DENND3: variants seen among roughly 807,000 people sequenced by gnomAD.
DENND3 encodes the protein DENN domain-containing protein 3.
DENND3 carries 88 observed loss-of-function variants against 135.1 expected under a neutral mutation model. The observed-to-expected ratio is 0.65, with a 90% confidence interval of 0.55 to 0.78. The LOEUF (loss-of-function observed/expected upper bound fraction) is 0.78, where lower values mean the gene tolerates loss of function less well. Ranked by LOEUF, DENND3 falls within the 30% of genes least tolerant of loss-of-function variation. The pLI, the probability that DENND3 is intolerant of heterozygous loss-of-function variation, is 0.00. For missense variants in DENND3, 1,392 were observed against 1,688.4 expected, an observed-to-expected ratio of 0.82 and a Z score of 3.08; for synonymous variants, 693 against 712.3, an observed-to-expected ratio of 0.97 and a Z score of 0.43.
rs1385153157 is a variant in DENND3, at chr8:141,137,972, C to T, written c.386-50C>T. The T allele has an allele frequency of 6.5e-7, 1 of 1,548,078 alleles. No homozygotes were observed. The highest frequency in any genetic ancestry group is 8.7e-7 in the Non-Finnish European group (1 of 1,142,942). On this transcript the variant is annotated intron_variant, in intron 2 of 22. Coordinates refer to ENST00000519811, the MANE Select transcript of DENND3 (RefSeq NM_001352890.3). This position sits in a 1 kb window ranked among gnomAD's most constrained non-coding sequence, Gnocchi z 4.1. Reference sequence around the variant, plus strand: ...TGAAGAAATCAGCTCGTGGGTAACCCAGGCCACTTGGCAAGAACAGGATTC... The same window carrying T: ...TGAAGAAATCAGCTCGTGGGTAACCTAGGCCACTTGGCAAGAACAGGATTC...
intron 16 of DENND3, among the ~76,000 whole-genome samples, chr8:141,178,450 A>G (rs1822678010): frequency 6.6e-6 from 1 of 152,230 alleles, no homozygotes; most frequent in African/African-American, 2.4e-5. Context: ...TAGCATTGCA[A>G]TGTACACTGC....
At chr8:141,135,255 G>A (rs1430749646) in intron 1 of DENND3, among the ~76,000 whole-genome samples, 1 of 151,368 alleles carries the variant, frequency 6.6e-6, no homozygotes, top group Non-Finnish European at 1.5e-5. Flanking sequence ...GGGCTCAGGC[G>A]ATCTTCCTGC....
At position 141,185,166 on chromosome 8, in the gene DENND3, A is replaced by G; in HGVS notation, c.2972A>G (p.Glu991Gly). 1.2e-6 allele frequency: 2 copies of G among 1,614,084 alleles called. No homozygotes were observed. The highest frequency in any genetic ancestry group is 1.7e-6 in the Non-Finnish European group (2 of 1,179,934). ...PGHLDPAEKV[E>G]DAHPKLWCAL... ...CATCTTGACCCAGCCGAAAAAGTTG[A>G]AGATGCTCACCCCAAGTTATGGTGT... The change falls in exon 18 of 23, where the codon GAA (glutamate) becomes GGA (glycine). Residue 991 changes from glutamate (E) to glycine (G), a missense_variant. Transcript: ENST00000519811.
At chr8:141,156,429 A>G (rs368035395) in intron 8 of DENND3, among the ~76,000 whole-genome samples, 187 of 152,090 alleles carry the variant, frequency 1.2e-3, no homozygotes, top group African/African-American at 4.2e-3. Flanking sequence ...CTTTATTCCA[A>G]TCTTGTCTGA....
chr8:141,135,151 T>TCTTC (rs1331297609), intron 1 of DENND3, among the ~76,000 whole-genome samples: 1 of 146,464 alleles, frequency 6.8e-6, no homozygotes, highest in Non-Finnish European at 1.5e-5. Context: ...TTTCTTTCTT[T>TCTTC]CTTTTTTTTT....
At chr8:141,131,372 C>T (rs1452344540) in intron 1 of DENND3, among the ~76,000 whole-genome samples, 2 of 152,134 alleles carry the variant, frequency 1.3e-5, no homozygotes, top group African/African-American at 4.8e-5. Flanking sequence ...ACAGGTCACC[C>T]GCATAATTCT....
intron 8 of DENND3, chr8:141,157,792 C>G: frequency 1.0e-6 from 1 of 977,592 alleles, no homozygotes; most frequent in East Asian, 1.2e-4. Flanking sequence ...CAGGGTCTTG[C>G]TCTGTCACCC....
chr8:141,168,211 T>C lies in DENND3; in HGVS notation c.1961T>C (p.Leu654Pro). The stretch of plus-strand genomic sequence containing the variant: ...GTTTATCTGATGCAGGGACAGCTGC[T>C]GAACGCCCTCTTGGACTTCCAGAAT... ...GLVYLMQGQL[L>P]NALLDFQNLY... The change falls in exon 13 of 23, where the codon CTG (leucine) becomes CCG (proline). Residue 654 changes from leucine to proline, a missense_variant. Physicochemically the swap from Leu to Pro is moderately conservative, Grantham distance 98 (BLOSUM62 -3). Coordinates refer to ENST00000519811, the MANE Select transcript of DENND3 (RefSeq NM_001352890.3). The surrounding 1 kb of genome is among the most constrained non-coding windows in gnomAD (Gnocchi z 6.2). 1 of 1,614,212 alleles carries C rather than the reference T, an allele frequency of 6.2e-7. No homozygotes were observed. The highest frequency in any genetic ancestry group is 8.5e-7 in the Non-Finnish European group (1 of 1,180,046).
intron 8 of DENND3, chr8:141,157,700 T>A: frequency 1.0e-6 from 1 of 985,842 alleles, no homozygotes; most frequent in Non-Finnish European, 1.2e-6. Flanking sequence ...ACTCTTACCT[T>A]GGTGTGGATT....
rs146802993 is a variant in DENND3, at chr8:141,168,306, C to A, written c.2056C>A (p.Pro686Thr). The change falls in exon 13 of 23, where the codon CCT becomes ACT. Residue 686 changes from proline to threonine, a missense_variant. Transcript: ENST00000519811. This position sits in a 1 kb window ranked among gnomAD's most constrained non-coding sequence, Gnocchi z 6.2. The stretch of plus-strand genomic sequence containing the variant: ...GAGGACGGTGGAATCCATGTCTGCC[C>A]CTGAGTGGGAGGGGGCTGAGCAGGC... ...VKRTVESMSAPEWEGAEQAPE... is the reference protein window; with the variant it reads ...VKRTVESMSATEWEGAEQAPE... 2.4e-4 allele frequency: 388 copies of A among 1,614,008 alleles called. 2 individuals are homozygous for A. The African/African-American group carries it at 4.3e-3, about 18-fold the overall frequency.
At chr8:141,145,230 A>T (rs1435423515) in intron 5 of DENND3, among the ~76,000 whole-genome samples, 1 of 152,234 alleles carries the variant, frequency 6.6e-6, no homozygotes, top group African/African-American at 2.4e-5. Context: ...TTTCCCACTG[A>T]CTTCAGATCT....
intron 1 of DENND3, among the ~76,000 whole-genome samples, chr8:141,129,275 A>G (rs1374740017): frequency 6.6e-6 from 1 of 152,170 alleles, no homozygotes; most frequent in Non-Finnish European, 1.5e-5. Context: ...TTATGCTGGG[A>G]TGTGTTGTCC....
At position 141,157,622 on chromosome 8, in the gene DENND3, A is replaced by C. The variant is rs1819605423; in HGVS notation, c.1196+1652A>C. The C allele has an allele frequency of 5.1e-6, 5 of 985,852 alleles. No homozygotes were observed. The South Asian group carries it at 2.3e-4, about 46-fold the overall frequency. 61.1% of individuals were successfully genotyped at this position (985,852 alleles called of 1,614,324 possible). A position where few individuals can be genotyped will look rare whatever the true frequency, so the allele number is the denominator to read the frequency against. ...CTTCTCTTCGCCTTCCTTTGTCTGC[A>C]TTGGGAGGAGTGGGAAGGAGGAGGG... On this transcript the variant is annotated intron_variant, in intron 8 of 22. Transcript: ENST00000519811.
rs186847774 is a variant in DENND3, at chr8:141,176,395, G to A, written c.2536-196G>A. ...AGCTGTGTGGGTGGGTGTAGGTGCC[G>A]CACCGCAGGTGAATCCTACCTGCCG... is the stretch of plus-strand genomic sequence containing the variant. On this transcript the variant is annotated intron_variant, in intron 14 of 22. Transcript: ENST00000519811. 3,126 of 625,198 alleles carry A rather than the reference G, an allele frequency of 5.0e-3. 21 individuals are homozygous for A. Among genetic ancestry groups the A allele is most frequent in the Non-Finnish European group, 5.6e-3 (2,021 of 362,832 alleles). 38.7% of individuals were successfully genotyped at this position (625,198 alleles called of 1,614,324 possible).
intron 8 of DENND3, chr8:141,158,227 T>C (rs1420313585): frequency 3.9e-6 from 5 of 1,289,764 alleles, no homozygotes; most frequent in East Asian, 1.1e-4. Flanking sequence ...TGTTGGCAAC[T>C]GTCCTCTGCG....
intron 1 of DENND3, among the ~76,000 whole-genome samples, chr8:141,134,088 C>T (rs1371489314): frequency 5.3e-5 from 8 of 152,128 alleles, no homozygotes; most frequent in African/African-American, 1.9e-4. Flanking sequence ...GAGATCAAGA[C>T]AGTTCCAGGA....
rs1185388482 is a variant in DENND3 at position 141,194,067 on chromosome 8, C to T, written c.3671C>T (p.Thr1224Ile). Residue 1224 changes from threonine to isoleucine, a missense_variant, in exon 23 of 23, where the codon ACA (threonine) becomes ATA (isoleucine). Transcript: ENST00000519811. ...GGCAGCCGAGGGCTGGGGCAGGGAA[C>T]ACCCAAGGGGAAAATCTACGTGATT... ...WVGSRGLGQG[T>I]PKGKIYVIDA... is the part of the protein sequence containing the mutation. The T allele has an allele frequency of 6.2e-7, 1 of 1,613,906 alleles. No individual in the cohort carries two copies. The highest frequency in any genetic ancestry group is 1.3e-5 in the African/African-American group (1 of 75,068).
chr8:141,185,683 G>A (rs150612742), intron 18 of DENND3, among the ~76,000 whole-genome samples: 166 of 151,742 alleles, frequency 1.1e-3, no homozygotes, highest in African/African-American at 3.7e-3. Context: ...AAAATTAGCC[G>A]GGCATGGTGG....
intron 17 of DENND3, among the ~76,000 whole-genome samples, chr8:141,181,750 C>A (rs1435067634): frequency 6.6e-6 from 1 of 150,936 alleles, no homozygotes; most frequent in Admixed American, 6.6e-5. Flanking sequence ...CAGTTCTCGG[C>A]AGAAAAGATT....
Sources: gnomAD v4.1 joint callset for allele counts (sites outside exome capture counted in the v4.1 genomes callset) on GRCh38, gnomAD v4.1.1 for gene constraint, Gnocchi (gnomAD v3.1) non-coding constraint, MANE v1.5 for transcripts, NCBI Gene and HGNC (gene_info 2026-07-23, HGNC 2026-07-21) for gene names.